ATG7: variants seen among roughly 807,000 people sequenced by gnomAD.
ATG7 encodes ubiquitin-like modifier-activating enzyme ATG7.
ATG7 carries 70 observed loss-of-function variants against 82.4 expected under a neutral mutation model. The observed-to-expected ratio is 0.85, with a 90% CI of 0.70 to 1.04. The LOEUF is 1.04. Ranked by LOEUF, ATG7 falls within the 50% of genes least tolerant of loss-of-function variation. ATG7 has a pLI of 0.00. For missense variants in ATG7, 792 were observed against 864.3 expected, an observed-to-expected ratio of 0.92 and a Z score of 1.05; for synonymous variants, 287 against 313.0, an observed-to-expected ratio of 0.92 and a Z score of 0.88.
At chr3:11,554,708 C>A in intron 20 of ATG7, 103 bp from the exon 21 acceptor site, 2 of 1,382,802 alleles carry the variant, frequency 1.4e-6, no homozygotes, top group Non-Finnish European at 2.0e-6. Flanking sequence ...GGGAGTGGTT[C>A]TGCAGGTGGG....
chr3:11,501,538 A>ATGACATTGCAT (rs1553699683), intron 20 of ATG7, among the ~76,000 whole-genome samples: 1 of 17,776 alleles, frequency 5.6e-5, no homozygotes, highest in Non-Finnish European at 1.1e-4. Flanking sequence ...TTAATAGATA[A>ATGACATTGCAT]TGATATTAAT....
chr3:11,393,730 G>C (rs111999785), intron 19 of ATG7, among the ~76,000 whole-genome samples: 1 of 152,044 alleles, frequency 6.6e-6, no homozygotes, highest in Non-Finnish European at 1.5e-5. Context: ...GCCCAGGCTG[G>C]AGTGCAGAGG....
chr3:11,445,059 C>T (rs2084391898), intron 20 of ATG7, among the ~76,000 whole-genome samples: 1 of 152,154 alleles, frequency 6.6e-6, no homozygotes, highest in Non-Finnish European at 1.5e-5. Context: ...ACAATAGATG[C>T]TGGCGAGGTT....
At chr3:11,287,981 A>G (rs1322234104) in intron 3 of ATG7, among the ~76,000 whole-genome samples, 1 of 152,234 alleles carries the variant, frequency 6.6e-6, no homozygotes, top group Non-Finnish European at 1.5e-5. Context: ...TTTTTTGTGC[A>G]GTCCAGGAGC....
At chr3:11,326,340 C>G (rs573697305) in intron 9 of ATG7, among the ~76,000 whole-genome samples, 1 of 151,926 alleles carries the variant, frequency 6.6e-6, no homozygotes, top group Admixed American at 6.6e-5. Flanking sequence ...GCTTTGTCAC[C>G]CAGGCTGGAG....
At chr3:11,304,130 G>T (rs1203231595) in intron 5 of ATG7, among the ~76,000 whole-genome samples, 1 of 152,080 alleles carries the variant, frequency 6.6e-6, no homozygotes, top group East Asian at 1.9e-4. Context: ...GCCTCAAGTT[G>T]GACCTAATTA....
intron 9 of ATG7, among the ~76,000 whole-genome samples, chr3:11,323,184 CT>C (rs1950436281): frequency 6.6e-6 from 1 of 152,166 alleles, no homozygotes; most frequent in Non-Finnish European, 1.5e-5. Context: ...AGGAATAGTC[CT>C]GTTTTTGTAG....
At chr3:11,553,030 C>T (rs2071966890) in intron 20 of ATG7, among the ~76,000 whole-genome samples, 1 of 152,210 alleles carries the variant, frequency 6.6e-6, no homozygotes, top group Non-Finnish European at 1.5e-5. Context: ...TGGTACTGAC[C>T]CTGCCCTGCC....
At chr3:11,453,563 T>G (rs2085410359) in intron 20 of ATG7, among the ~76,000 whole-genome samples, 1 of 152,144 alleles carries the variant, frequency 6.6e-6, no homozygotes, top group African/African-American at 2.4e-5. Context: ...TTGGCTAATT[T>G]TTCTCATCTC....
At chr3:11,289,499 C>T (rs1040417906) in intron 3 of ATG7, among the ~76,000 whole-genome samples, 3 of 152,180 alleles carry the variant, frequency 2.0e-5, no homozygotes, top group Non-Finnish European at 2.9e-5. Context: ...TTCAGCAGCT[C>T]AACATCAACT....
intron 20 of ATG7, among the ~76,000 whole-genome samples, chr3:11,500,734 A>G (rs2091261135): frequency 6.6e-6 from 1 of 152,120 alleles, no homozygotes; most frequent in Non-Finnish European, 1.5e-5. Context: ...AGGTTCAAGC[A>G]ATTCTCCTGC....
chr3:11,560,323 G>T (rs62245959), downstream of ATG7, among the ~76,000 whole-genome samples: 19,376 of 152,222 alleles, frequency 0.13, 1,416 homozygotes, highest in Middle Eastern at 0.21. Flanking sequence ...ACTTCCTCAG[G>T]TTCCCCCAGG....
intron 19 of ATG7, among the ~76,000 whole-genome samples, chr3:11,415,989 C>G (rs931244177): frequency 3.9e-5 from 6 of 152,180 alleles, no homozygotes; most frequent in African/African-American, 1.4e-4. Flanking sequence ...GTGATGGCTA[C>G]AGCTTCACTA....
chr3:11,497,392 T>TATATATATATATATA (rs1422914065), intron 20 of ATG7, among the ~76,000 whole-genome samples: 131 of 127,138 alleles, frequency 1.0e-3, no homozygotes, highest in Non-Finnish European at 1.4e-3. Context: ...TATATATATA[T>TATATATATATATATA]TTAGCCAGGC....
At chr3:11,445,746 C>A (rs547551314) in intron 20 of ATG7, among the ~76,000 whole-genome samples, 11 of 152,306 alleles carry the variant, frequency 7.2e-5, no homozygotes, top group African/African-American at 2.6e-4. Context: ...AAGCAGTTCA[C>A]TGACTTACAT....
chr3:11,448,415 A>AT (rs1419168789), intron 20 of ATG7, among the ~76,000 whole-genome samples: 1 of 152,174 alleles, frequency 6.6e-6, no homozygotes, highest in Non-Finnish European at 1.5e-5. Context: ...TGAGGTCAGC[A>AT]TGAGGCTTCA....
chr3:11,290,540 C>A, intron 3 of ATG7: 1 of 372,232 alleles, frequency 2.7e-6, no homozygotes. Context: ...TCCTCTTCTC[C>A]TCCAGGTAGC....
chr3:11,337,473 T>G lies in ATG7; in HGVS notation c.890-3172T>G, dbSNP rs1257700636. 2.0e-5 allele frequency among the ~76,000 whole-genome samples: 3 copies of G among 148,032 alleles called. No individual in the cohort carries two copies. The East Asian group carries it at 5.9e-4, about 29-fold the overall frequency. On this transcript the variant is annotated intron_variant, in intron 11 of 20. Transcript: ENST00000693202. The stretch of plus-strand genomic sequence containing the variant: ...GTCTGTCTCTCTGTCTTTCTAGCTC[T>G]CTCTCTCTCTCTCTCTATATATATA...
intron 15 of ATG7, among the ~76,000 whole-genome samples, chr3:11,359,341 AG>A (rs1395891408): frequency 1.3e-4 from 20 of 152,264 alleles, no homozygotes; most frequent in African/African-American, 4.8e-4. Flanking sequence ...CTATATAATC[AG>A]ATATTTGGGA....
Sources: gnomAD v4.1 joint callset for allele counts (sites outside exome capture counted in the v4.1 genomes callset) on GRCh38, gnomAD v4.1.1 for gene constraint, MANE v1.5 for transcripts, NCBI Gene and HGNC (gene_info 2026-07-23, HGNC 2026-07-21) for gene names.